CCDC149: variants seen among roughly 807,000 people sequenced by gnomAD.
CCDC149 encodes the protein coiled-coil domain-containing protein 149.
In CCDC149, 45 loss-of-function variants were observed where a neutral mutation model predicts 59.9. The observed-to-expected ratio is 0.75, with a 90% CI of 0.59 to 0.96. CCDC149 has a LOEUF of 0.96. Among genes scored for constraint, CCDC149 ranks in the 40% least tolerant of loss-of-function variants. The pLI is 0.00. For missense variants in CCDC149, 584 were observed against 664.7 expected, an observed-to-expected ratio of 0.88 and a Z score of 1.33; for synonymous variants, 245 against 260.6, an observed-to-expected ratio of 0.94 and a Z score of 0.58.
At chr4:24,977,191 G>A (rs1229244255) in intron 1 of CCDC149, among the ~76,000 whole-genome samples, 1 of 152,118 alleles carries the variant, frequency 6.6e-6, no homozygotes, top group East Asian at 1.9e-4. Flanking sequence ...GGATGGGCAT[G>A]GACCCAAGCC....
intron 1 of CCDC149, among the ~76,000 whole-genome samples, chr4:24,886,321 G>A (rs1037669260): frequency 2.3e-4 from 35 of 152,238 alleles, no homozygotes; most frequent in Admixed American, 1.6e-3. Flanking sequence ...CTTGTTGCAG[G>A]AAAGGTTGTC....
intron 4 of CCDC149, among the ~76,000 whole-genome samples, chr4:24,850,198 C>A (rs142690959): frequency 2.6e-5 from 4 of 152,038 alleles, no homozygotes; most frequent in African/African-American, 9.7e-5. Context: ...TTTATTCATT[C>A]ATTTCATTCA....
intron 8 of CCDC149, among the ~76,000 whole-genome samples, chr4:24,834,641 C>G (rs774752518): frequency 6.6e-6 from 1 of 152,176 alleles, no homozygotes; most frequent in South Asian, 2.1e-4. Context: ...AGAAAAACCT[C>G]GAATGCAGTG....
intron 1 of CCDC149, among the ~76,000 whole-genome samples, chr4:24,950,021 C>G (rs1455751322): frequency 6.6e-6 from 1 of 152,228 alleles, no homozygotes; most frequent in Non-Finnish European, 1.5e-5. Context: ...ACCAGAGGCA[C>G]ATGGCTGAAA....
At chr4:24,848,485 C>T (rs1717455125) in intron 4 of CCDC149, among the ~76,000 whole-genome samples, 1 of 152,126 alleles carries the variant, frequency 6.6e-6, no homozygotes, top group African/African-American at 2.4e-5. Context: ...AGGAGAATCG[C>T]TTGAACCCGG....
At chr4:24,946,039 T>C (rs1225410479) in intron 1 of CCDC149, among the ~76,000 whole-genome samples, 1 of 152,144 alleles carries the variant, frequency 6.6e-6, no homozygotes, top group Non-Finnish European at 1.5e-5. Flanking sequence ...TAGGCAAAAA[T>C]AGAAGAATTT....
At chr4:24,867,854 A>T (rs1718795236) in intron 3 of CCDC149, among the ~76,000 whole-genome samples, 2 of 152,218 alleles carry the variant, frequency 1.3e-5, no homozygotes, top group Non-Finnish European at 1.5e-5. Flanking sequence ...AGATCACAGA[A>T]ATTCAACCTT....
In CCDC149 at chr4:24,947,824, AT is replaced by A. The variant is rs11373089; in HGVS notation, c.-65+32244del. On this transcript the variant is annotated intron_variant, in intron 1 of 12. Coordinates refer to the CCDC149 transcript ENST00000389609. Reference sequence around the variant, plus strand: ...TCATTACAATGAAAAAAGAAGGAGGATTTTTTTTTTTATTGCAGATAGTTAG... The same window carrying A: ...TCATTACAATGAAAAAAGAAGGAGGATTTTTTTTTTATTGCAGATAGTTAG... 3.8e-3 allele frequency among the ~76,000 whole-genome samples: 574 copies of A among 149,436 alleles called. 2 individuals are homozygous for A. The highest frequency in any genetic ancestry group is 0.011 in the African/African-American group (439 of 40,960).
intron 1 of CCDC149, among the ~76,000 whole-genome samples, chr4:24,951,024 A>AAAGCTGGGGGTTGTC (rs992539592): frequency 6.6e-6 from 1 of 152,180 alleles, no homozygotes; most frequent in African/African-American, 2.4e-5. Context: ...TTTAGGTTAA[A>AAAGCTGGGGGTTGTC]AAGCAGGTGT....
chr4:24,826,625 T>C (rs528740822), intron 9 of CCDC149, among the ~76,000 whole-genome samples: 1 of 152,286 alleles, frequency 6.6e-6, no homozygotes, highest in East Asian at 1.9e-4. Flanking sequence ...GCCAGGACAA[T>C]GTGCCACCTT....
intron 1 of CCDC149, 82 bp from the exon 2 acceptor site, chr4:24,876,779 G>A (rs2109249194): frequency 7.2e-7 from 1 of 1,384,894 alleles, no homozygotes. Context: ...CACACACCCT[G>A]TGGGGAATTT....
At chr4:24,856,453 G>A (rs191107873) in intron 3 of CCDC149, among the ~76,000 whole-genome samples, 2 of 152,232 alleles carry the variant, frequency 1.3e-5, no homozygotes, top group African/African-American at 4.8e-5. Flanking sequence ...AATAGAATGT[G>A]TTGGAAGAAA....
chr4:24,912,573 T>TG (rs1721936714), intron 1 of CCDC149, among the ~76,000 whole-genome samples: 1 of 152,108 alleles, frequency 6.6e-6, no homozygotes, highest in African/African-American at 2.4e-5. Flanking sequence ...ACCCCTGCCT[T>TG]GGGGGGAAGG....
chr4:24,936,487 TA>T (rs1485950162), intron 1 of CCDC149, among the ~76,000 whole-genome samples: 1 of 152,218 alleles, frequency 6.6e-6, no homozygotes, highest in Admixed American at 6.5e-5. Context: ...AATGCATGTA[TA>T]TATAGTATCA....
At chr4:24,917,064 A>G (rs1024560024), upstream of CCDC149, among the ~76,000 whole-genome samples, 1 of 151,830 alleles carries the variant, frequency 6.6e-6, no homozygotes, top group African/African-American at 2.4e-5. Context: ...TCCTCCCCCT[A>G]CCTAGAGGTT....
In CCDC149 at chr4:24,876,551, C is replaced by T. The variant is rs1163823642; in HGVS notation, c.210G>A (p.Lys70=). 1 of 1,613,956 alleles carries T rather than the reference C, an allele frequency of 6.2e-7. No homozygotes were observed. Among genetic ancestry groups the T allele is most frequent in the Admixed American group, 1.7e-5 (1 of 60,002 alleles). ...TAACACTTACAATCAGCTCTCGGTA[C>T]TTCTTCTTCAGTGACTGGTGGCGCT... Residue 70 remains lysine, a synonymous_variant, in exon 2 of 13, where the codon AAG becomes AAA. Transcript: ENST00000635206.
intron 1 of CCDC149, among the ~76,000 whole-genome samples, chr4:24,934,549 A>G (rs1722680088): frequency 6.6e-6 from 1 of 152,228 alleles, no homozygotes; most frequent in African/African-American, 2.4e-5. Flanking sequence ...CAGGCCACAA[A>G]ACTGGCCCAG....
At chr4:24,804,584 T>A (rs1456899398), downstream of CCDC149, among the ~76,000 whole-genome samples, 2 of 144,750 alleles carry the variant, frequency 1.4e-5, no homozygotes, top group African/African-American at 2.6e-5. Context: ...TTTTTTGGAG[T>A]GAAAACCAAC....
At chr4:24,954,860 T>A (rs1447920069) in intron 1 of CCDC149, among the ~76,000 whole-genome samples, 1 of 152,248 alleles carries the variant, frequency 6.6e-6, no homozygotes, top group Non-Finnish European at 1.5e-5. Context: ...GGTTGCTTGG[T>A]CATACTCTTG....
Sources: gnomAD v4.1 joint callset for allele counts (sites outside exome capture counted in the v4.1 genomes callset) on GRCh38, gnomAD v4.1.1 for gene constraint, MANE v1.5 for transcripts, NCBI Gene and HGNC (gene_info 2026-07-23, HGNC 2026-07-21) for gene names.